WDR27: variants seen among roughly 807,000 people sequenced by gnomAD.
WDR27 encodes WD repeat-containing protein 27.
WDR27 carries 100 observed loss-of-function variants against 114.4 expected under a neutral mutation model. The ratio of observed to expected loss-of-function variants is 0.87; its 90% CI spans 0.74 to 1.03. The LOEUF is 1.03. Among genes scored for constraint, WDR27 ranks in the 50% least tolerant of loss-of-function variants. The pLI is 0.00. For missense variants in WDR27, 1,129 were observed against 1,092.9 expected (o/e 1.03, Z -0.47); for synonymous variants, 449 against 423.1 (o/e 1.06, Z -0.75).
In WDR27 at chr6:169,680,364, C is replaced by T. The variant is rs190766581; in HGVS notation, c.190-7968G>A. 2.3e-3 allele frequency among the ~76,000 whole-genome samples: 350 copies of T among 152,260 alleles called. 2 individuals carry two copies. The highest frequency in any genetic ancestry group is 7.9e-3 in the African/African-American group (329 of 41,534). On this transcript the variant is annotated intron_variant, in intron 2 of 25. Transcript: ENST00000448612. ...TTGGGAGGCCGAGGCAGGTGTATCA[C>T]GAGGTCAGGAGATCGAGACCATCCT...
At chr6:169,452,031 G>A in the WDR27 span, among the ~76,000 whole-genome samples, 1 of 152,076 alleles carries the variant, frequency 6.6e-6, no homozygotes, top group East Asian at 1.9e-4. Context: ...GAGACAAGAT[G>A]GTCAACTTAG....
downstream of WDR27, among the ~76,000 whole-genome samples, chr6:169,453,347 T>G (rs1784231859): frequency 6.6e-6 from 1 of 152,078 alleles, no homozygotes; most frequent in Non-Finnish European, 1.5e-5. Flanking sequence ...AATATAAACT[T>G]GCTATTAATG....
chr6:169,490,506 C>A (rs992809190), intron 25 of WDR27, among the ~76,000 whole-genome samples: 19 of 152,216 alleles, frequency 1.2e-4, no homozygotes, highest in Non-Finnish European at 2.5e-4. Flanking sequence ...CCTGCATGTA[C>A]TTATCTGTCT....
At chr6:169,471,787 G>A (rs554611205) in intron 25 of WDR27, among the ~76,000 whole-genome samples, 111 of 152,304 alleles carry the variant, frequency 7.3e-4, no homozygotes, top group Non-Finnish European at 9.8e-4. Flanking sequence ...CTTAGACTGG[G>A]TAATTTATAA....
At chr6:169,427,440 GC>G in the WDR27 span, among the ~76,000 whole-genome samples, 4 of 151,878 alleles carry the variant, frequency 2.6e-5, no homozygotes, top group Admixed American at 2.0e-4. Context: ...AGGACCGTGG[GC>G]CCCCCATCTT....
intron 1 of WDR27, among the ~76,000 whole-genome samples, chr6:169,698,781 G>C (rs138682256): frequency 6.6e-6 from 1 of 152,230 alleles, no homozygotes; most frequent in Admixed American, 6.5e-5. Context: ...CAAAGGCTGA[G>C]GAGAGGGGCC....
intron 8 of WDR27, 32 bp from the exon 9 acceptor site, chr6:169,662,456 T>C (rs1826451325): frequency 6.2e-7 from 1 of 1,607,600 alleles, no homozygotes; most frequent in Admixed American, 1.7e-5. Context: ...ATCTAAGAAG[T>C]GAACTTAAAT....
chr6:169,701,375 A>T (rs1787981843), intron 1 of WDR27, among the ~76,000 whole-genome samples, 176 bp downstream of exon 1: 1 of 152,200 alleles, frequency 6.6e-6, no homozygotes, highest in African/African-American at 2.4e-5. Flanking sequence ...TTGAAAGGCC[A>T]GTGGGGCATA....
intron 25 of WDR27, among the ~76,000 whole-genome samples, chr6:169,519,402 G>C (rs1169518526): frequency 6.6e-6 from 1 of 152,162 alleles, no homozygotes; most frequent in Non-Finnish European, 1.5e-5. Context: ...GGATATACAG[G>C]AAGCATGGCA....
At chr6:169,506,454 A>G (rs1425500090) in intron 25 of WDR27, among the ~76,000 whole-genome samples, 1 of 152,204 alleles carries the variant, frequency 6.6e-6, no homozygotes, top group Non-Finnish European at 1.5e-5. Context: ...TGGATTTATA[A>G]TTTCTAAATT....
At chr6:169,511,499 T>C (rs1472128580) in intron 25 of WDR27, among the ~76,000 whole-genome samples, 1 of 149,460 alleles carries the variant, frequency 6.7e-6, no homozygotes, top group Non-Finnish European at 1.5e-5. Context: ...CCCCCCAAAA[T>C]ATAATTTCAT....
Position 169,684,579 on chromosome 6 carries a change from C to T in WDR27, c.189+4238G>A, listed in dbSNP as rs1347144694. Among the ~76,000 whole-genome samples the T allele has an allele frequency of 2.6e-5, 4 of 152,026 alleles. No homozygotes were observed. Among genetic ancestry groups the T allele is most frequent in the Non-Finnish European group, 5.9e-5 (4 of 67,962 alleles). ...TCCTGGGCCTATAGTAGCCCTGTGC[C>T]CACACCCAGGAGACATACCCCCAGG... On this transcript the variant is annotated intron_variant, in intron 2 of 25. Transcript: ENST00000448612. This position sits in a 1 kb window ranked among gnomAD's most constrained non-coding sequence, Gnocchi z 4.3.
At chr6:169,621,389 C>CACACATGCACACATGCCT (rs1562719827) in intron 21 of WDR27, among the ~76,000 whole-genome samples, 1 of 150,996 alleles carries the variant, frequency 6.6e-6, no homozygotes, top group Non-Finnish European at 1.5e-5. Context: ...GACATACGCA[C>CACACATGCACACATGCCT]ACACATGCAC....
chr6:169,464,761 A>G (rs991627565), intron 25 of WDR27, among the ~76,000 whole-genome samples: 37 of 152,348 alleles, frequency 2.4e-4, no homozygotes, highest in Non-Finnish European at 4.6e-4. Flanking sequence ...CCCAATTTAA[A>G]CAATGGACAA....
intron 1 of WDR27, among the ~76,000 whole-genome samples, chr6:169,693,688 T>G (rs187863981): frequency 6.6e-6 from 1 of 151,772 alleles, no homozygotes; most frequent in Admixed American, 6.6e-5. Flanking sequence ...AAAGCTATTC[T>G]TACATAGGAC....
intron 13 of WDR27, among the ~76,000 whole-genome samples, chr6:169,657,044 C>T (rs888435133): frequency 2.6e-5 from 4 of 152,092 alleles, no homozygotes; most frequent in African/African-American, 7.2e-5. Flanking sequence ...CGGCAGGAGA[C>T]GGGCAGTTCA....
At chr6:169,539,769 G>A (rs181298689) in intron 25 of WDR27, among the ~76,000 whole-genome samples, 24 of 152,280 alleles carry the variant, frequency 1.6e-4, no homozygotes, top group African/African-American at 5.3e-4. Flanking sequence ...GCTCCCTCCT[G>A]TGAAAGAAGA....
At chr6:169,480,960 A>T (rs1787960552) in intron 25 of WDR27, among the ~76,000 whole-genome samples, 1 of 151,710 alleles carries the variant, frequency 6.6e-6, no homozygotes, top group Non-Finnish European at 1.5e-5. Context: ...TAAATGCACC[A>T]ATCAGCACTC....
intron 2 of WDR27, among the ~76,000 whole-genome samples, chr6:169,676,883 A>G (rs751687780): frequency 3.3e-5 from 5 of 152,206 alleles, no homozygotes; most frequent in Non-Finnish European, 7.3e-5. Context: ...TCCAAGCTGT[A>G]GCCTGACCAT....
Sources: allele counts gnomAD v4.1 joint callset (sites outside exome capture counted in the v4.1 genomes callset), GRCh38; gene constraint gnomAD v4.1.1; non-coding constraint Gnocchi (gnomAD v3.1); transcripts MANE v1.5; gene names NCBI Gene and HGNC (gene_info 2026-07-23, HGNC 2026-07-21).